TMEM135: variants seen among roughly 807,000 people sequenced by gnomAD.
TMEM135 encodes transmembrane protein 135.
A neutral mutation model predicts 60.3 loss-of-function variants in TMEM135; 30 were observed. The observed-to-expected ratio is 0.50, with a 90% CI of 0.37 to 0.68. TMEM135 has a LOEUF of 0.68. TMEM135 is among the 30% of genes least tolerant of loss of function. The probability of loss-of-function intolerance (pLI) is 0.00; values close to 1 mark genes in which losing one functional copy is unlikely to be tolerated. For missense variants in TMEM135, 468 were observed against 548.8 expected, an observed-to-expected ratio of 0.85 and a Z score of 1.47; for synonymous variants, 190 against 186.7, an observed-to-expected ratio of 1.02 and a Z score of -0.14.
intron 5 of TMEM135, among the ~76,000 whole-genome samples, chr11:87,180,530 T>A (rs780826094): frequency 6.6e-6 from 1 of 152,034 alleles, no homozygotes; most frequent in Non-Finnish European, 1.5e-5. Flanking sequence ...ATGACCTAAA[T>A]CTGTGCATGA....
At chr11:87,100,722 C>G (rs543600070) in intron 4 of TMEM135, among the ~76,000 whole-genome samples, 6 of 152,144 alleles carry the variant, frequency 3.9e-5, no homozygotes, top group Non-Finnish European at 8.8e-5. Context: ...ATTAGCCAGG[C>G]GTGGTGGCAT....
intron 5 of TMEM135, among the ~76,000 whole-genome samples, chr11:87,188,294 C>T (rs1939702879): frequency 6.6e-6 from 1 of 152,060 alleles, no homozygotes. Flanking sequence ...AATTTGAATT[C>T]AAGTCTGAAA....
chr11:87,184,674 C>T lies in TMEM135; in HGVS notation c.462+27268C>T, dbSNP rs549604962. ...ATAGTATTGTGTTATATAAGAGACT[C>T]TAAATATAATGAAATCACTGTCTTT... On this transcript the variant is annotated intron_variant, in intron 5 of 14. Transcript: ENST00000305494. Among the ~76,000 whole-genome samples, 5 of 152,158 alleles carry T rather than the reference C, an allele frequency of 3.3e-5. No homozygotes were observed. The South Asian group carries it at 1.0e-3, about 32-fold the overall frequency.
intron 4 of TMEM135, among the ~76,000 whole-genome samples, chr11:87,134,686 A>G (rs565445869): frequency 1.3e-5 from 2 of 152,216 alleles, no homozygotes; most frequent in East Asian, 1.9e-4. Flanking sequence ...GGTTCTCACT[A>G]TGTTGCCCAG....
intron 1 of TMEM135, among the ~76,000 whole-genome samples, chr11:87,053,338 T>C (rs554642560): frequency 3.9e-4 from 60 of 152,024 alleles, no homozygotes; most frequent in African/African-American, 1.4e-3. Context: ...TATGAAAAGA[T>C]GATGTGGATT....
At chr11:87,261,787 A>G (rs1462752400) in intron 6 of TMEM135, among the ~76,000 whole-genome samples, 2 of 151,860 alleles carry the variant, frequency 1.3e-5, no homozygotes, top group Non-Finnish European at 2.9e-5. Context: ...ACTCCTGTCT[A>G]ATTTTTTAGT....
At position 87,239,704 on chromosome 11, in the gene TMEM135, G is replaced by A. The variant is rs1019602724; in HGVS notation, c.509+3020G>A. On this transcript the variant is annotated intron_variant, in intron 6 of 14. Coordinates refer to ENST00000305494, the MANE Select transcript of TMEM135 (RefSeq NM_022918.4). ...ATCCTAATCTGTGAATGGGCAAAGG[G>A]GAAATGGGGAAATGAGGCCTGCTTT... Among the ~76,000 whole-genome samples the A allele has an allele frequency of 6.1e-4, 92 of 151,216 alleles. 1 individual carries two copies. The highest frequency in any genetic ancestry group is 5.7e-3 in the Admixed American group (86 of 15,160).
At chr11:87,122,091 T>A (rs1235827680) in intron 4 of TMEM135, among the ~76,000 whole-genome samples, 1 of 152,218 alleles carries the variant, frequency 6.6e-6, no homozygotes, top group African/African-American at 2.4e-5. Flanking sequence ...AATCTACATC[T>A]GAATTTTAAA....
At chr11:87,067,916 C>T (rs1427459994) in intron 2 of TMEM135, 95 bp downstream of exon 2, 2 of 1,456,546 alleles carry the variant, frequency 1.4e-6, no homozygotes, top group South Asian at 1.2e-5. Context: ...GGGTTACTAT[C>T]CCCGCCCCCC....
intron 5 of TMEM135, among the ~76,000 whole-genome samples, chr11:87,221,554 T>A (rs907425115): frequency 1.3e-5 from 2 of 152,198 alleles, no homozygotes; most frequent in African/African-American, 4.8e-5. Flanking sequence ...TTTTAGGTTA[T>A]ATGGACTAGA....
intron 6 of TMEM135, among the ~76,000 whole-genome samples, chr11:87,255,401 T>C (rs1241874007): frequency 1.3e-5 from 2 of 152,194 alleles, no homozygotes; most frequent in African/African-American, 2.4e-5. Context: ...CCAAACAAGG[T>C]ATCCAATTTT....
intron 5 of TMEM135, among the ~76,000 whole-genome samples, chr11:87,182,276 A>C (rs1939536724): frequency 6.6e-6 from 1 of 152,094 alleles, no homozygotes; most frequent in South Asian, 2.1e-4. Flanking sequence ...AATTAAGATA[A>C]GAAAAAGGAA....
intron 4 of TMEM135, among the ~76,000 whole-genome samples, chr11:87,118,137 A>G (rs931498782): frequency 5.3e-5 from 8 of 152,052 alleles, no homozygotes; most frequent in African/African-American, 9.7e-5. Flanking sequence ...TCAGTAAACC[A>G]TGCTATAAAC....
chr11:87,127,165 G>A (rs1275459555), intron 4 of TMEM135, among the ~76,000 whole-genome samples: 3 of 152,086 alleles, frequency 2.0e-5, no homozygotes, highest in African/African-American at 4.8e-5. Context: ...ATTCAATACC[G>A]AGGCCCTGTT....
rs1442055727 is a variant in TMEM135 at position 87,321,709 on chromosome 11, T to G, written c.*376T>G. Reference sequence around the variant, plus strand: ...TTCCAATATAATTCTTGATTAAAATTAGGATTATTTCTACATTTTAGGATT... The same window carrying G: ...TTCCAATATAATTCTTGATTAAAATGAGGATTATTTCTACATTTTAGGATT... On this transcript the variant is annotated 3_prime_UTR_variant, in exon 15 of 15. Coordinates refer to ENST00000305494, the MANE Select transcript of TMEM135 (RefSeq NM_022918.4). 2.2e-6 allele frequency: 1 copy of G among 461,074 alleles called. No homozygotes were observed. Among genetic ancestry groups the G allele is most frequent in the Non-Finnish European group, 4.3e-6 (1 of 231,668 alleles). The allele number at this position is 461,074 out of a possible 1,614,324, so 28.6% of individuals were successfully genotyped here.
intron 9 of TMEM135, among the ~76,000 whole-genome samples, chr11:87,307,764 C>A (rs1942577285): frequency 6.6e-6 from 1 of 152,160 alleles, no homozygotes; most frequent in South Asian, 2.1e-4. Flanking sequence ...CAATGGACCT[C>A]ATTATTTTAC....
At chr11:87,167,888 G>C (rs623606) in intron 5 of TMEM135, among the ~76,000 whole-genome samples, 81,735 of 151,904 alleles carry the variant, frequency 0.54, 23,048 homozygotes, top group East Asian at 0.73. Context: ...GGAATAGTAC[G>C]AGCTCCTCTT....
intron 4 of TMEM135, among the ~76,000 whole-genome samples, chr11:87,122,632 T>C (rs1937621499): frequency 6.6e-6 from 1 of 152,014 alleles, no homozygotes; most frequent in South Asian, 2.1e-4. Flanking sequence ...AGCTAATGTC[T>C]GTATTTTTAG....
intron 5 of TMEM135, among the ~76,000 whole-genome samples, chr11:87,207,884 C>T (rs1363861893): frequency 3.9e-5 from 6 of 152,148 alleles, no homozygotes; most frequent in South Asian, 2.1e-4. Context: ...AGCTGGGGCT[C>T]GACCTTAAAG....
Sources: allele counts gnomAD v4.1 joint callset (sites outside exome capture counted in the v4.1 genomes callset), GRCh38; gene constraint gnomAD v4.1.1; transcripts MANE v1.5; gene names NCBI Gene and HGNC (gene_info 2026-07-23, HGNC 2026-07-21).